The following CPA6 variants were observed in gnomAD, a reference collection of about 807,000 sequenced individuals.
CPA6 encodes carboxypeptidase A6.
CPA6 carries 58 observed loss-of-function variants against 63.3 expected under a neutral mutation model. That is an observed-to-expected ratio of 0.92 (90% CI 0.74 to 1.14). CPA6 has a LOEUF of 1.14. Ranked by LOEUF, CPA6 falls within the 50% of genes most tolerant of loss-of-function variation. The pLI, the probability that CPA6 is intolerant of heterozygous loss-of-function variation, is 0.00. For synonymous variants in CPA6, 185 were observed against 179.0 expected, an observed-to-expected ratio of 1.03 and a Z score of -0.27; for missense variants, 565 against 526.6, an observed-to-expected ratio of 1.07 and a Z score of -0.71.
intron 2 of CPA6, among the ~76,000 whole-genome samples, chr8:67,591,300 A>C (rs1182314122): frequency 4.1e-4 from 62 of 151,914 alleles, no homozygotes; most frequent in African/African-American, 1.3e-3. Context: ...CTTGTAGTAT[A>C]GTTTGAAGTC....
chr8:67,712,010 T>G (rs1171503260), intron 1 of CPA6, among the ~76,000 whole-genome samples: 1 of 152,116 alleles, frequency 6.6e-6, no homozygotes, highest in African/African-American at 2.4e-5. Flanking sequence ...CCCTCCTATC[T>G]GCCCCCTCCC....
intron 2 of CPA6, among the ~76,000 whole-genome samples, chr8:67,585,636 G>A (rs1043411279): frequency 1.3e-5 from 2 of 152,150 alleles, no homozygotes; most frequent in South Asian, 4.1e-4. Context: ...TCTAAGGATA[G>A]TAGGAAGATA....
chr8:67,723,452 C>A (rs1190010848), intron 1 of CPA6, among the ~76,000 whole-genome samples: 1 of 152,152 alleles, frequency 6.6e-6, no homozygotes, highest in Non-Finnish European at 1.5e-5. Context: ...CAGGCGTGAG[C>A]CACCGTGCGT....
At chr8:67,564,988 G>T (rs1813302354) in intron 2 of CPA6, among the ~76,000 whole-genome samples, 1 of 152,132 alleles carries the variant, frequency 6.6e-6, no homozygotes, top group Non-Finnish European at 1.5e-5. Flanking sequence ...CCGCAGCGTG[G>T]TCTTCTAGAT....
intron 2 of CPA6, chr8:67,570,131 G>A (rs1317748888): frequency 1.3e-5 from 2 of 152,294 alleles, no homozygotes; most frequent in South Asian, 4.1e-4. Flanking sequence ...AAGAGTAACT[G>A]CAGCTTGAAT....
intron 8 of CPA6, among the ~76,000 whole-genome samples, chr8:67,446,101 A>G (rs1331606963): frequency 6.6e-6 from 1 of 151,728 alleles, no homozygotes; most frequent in Non-Finnish European, 1.5e-5. Flanking sequence ...TGTCTCTACT[A>G]AAAAAATACA....
intron 1 of CPA6, among the ~76,000 whole-genome samples, chr8:67,648,873 C>T (rs962986070): frequency 2.0e-5 from 3 of 152,180 alleles, no homozygotes; most frequent in African/African-American, 7.2e-5. Context: ...ATCAATGAAA[C>T]TGGGAAAACA....
chr8:67,671,174 A>G (rs1481783484), intron 1 of CPA6, among the ~76,000 whole-genome samples: 1 of 152,238 alleles, frequency 6.6e-6, no homozygotes, highest in Non-Finnish European at 1.5e-5. Flanking sequence ...AGCCTTGAGA[A>G]CAATCACCTC....
chr8:67,646,139 C>T (rs1225930729), intron 1 of CPA6, among the ~76,000 whole-genome samples: 1 of 152,192 alleles, frequency 6.6e-6, no homozygotes, highest in Non-Finnish European at 1.5e-5. Context: ...AGCACCATGA[C>T]AGGTGACAAA....
chr8:67,455,663 C>CGAAAAAAAAA (rs1810655966), intron 8 of CPA6, among the ~76,000 whole-genome samples: 1 of 30,250 alleles, frequency 3.3e-5, no homozygotes, highest in African/African-American at 1.6e-4. Flanking sequence ...TCTACAAAAG[C>CGAAAAAAAAA]AAAAAAAAAA....
intron 1 of CPA6, among the ~76,000 whole-genome samples, chr8:67,686,669 G>A (rs1291569096): frequency 6.6e-6 from 1 of 152,160 alleles, no homozygotes; most frequent in Non-Finnish European, 1.5e-5. Context: ...CATGTTTAAT[G>A]GTCGTGCTCC....
intron 6 of CPA6, among the ~76,000 whole-genome samples, chr8:67,486,114 A>G (rs1563972475): frequency 6.6e-6 from 1 of 152,280 alleles, no homozygotes; most frequent in Middle Eastern, 3.4e-3. Flanking sequence ...TTCTTCCTGT[A>G]TTGTCATAAT....
chr8:67,737,157 T>C (rs1817828012), intron 1 of CPA6, among the ~76,000 whole-genome samples: 2 of 152,204 alleles, frequency 1.3e-5, no homozygotes. Context: ...ATCAGAACCA[T>C]ATGTTATGGG....
chr8:67,636,486 T>C (rs1815471411), intron 1 of CPA6, among the ~76,000 whole-genome samples: 1 of 151,558 alleles, frequency 6.6e-6, no homozygotes, highest in Non-Finnish European at 1.5e-5. Flanking sequence ...AATAATTAAA[T>C]TCACTGTTAA....
At chr8:67,659,799 A>G (rs1167719565) in intron 1 of CPA6, among the ~76,000 whole-genome samples, 3 of 152,238 alleles carry the variant, frequency 2.0e-5, no homozygotes, top group African/African-American at 7.2e-5. Context: ...TTTCACATTT[A>G]TCATAAGTAA....
At position 67,646,430 on chromosome 8, in the gene CPA6, T is replaced by C. The variant is rs572627947; in HGVS notation, c.117-22179A>G. Among the ~76,000 whole-genome samples, 3 of 152,322 alleles carry C rather than the reference T, an allele frequency of 2.0e-5. No homozygotes were observed. In the South Asian group the frequency reaches 6.2e-4, roughly 32 times the overall value. On this transcript the variant is annotated intron_variant, in intron 1 of 10. Coordinates refer to ENST00000297770, the MANE Select transcript of CPA6 (RefSeq NM_020361.5). ...CTTTTGGTTTTGCCTATTGGCTTCA[T>C]GGGATCGAACAGGGAAATACCCCAT...
chr8:67,637,426 A>G (rs1222263325), intron 1 of CPA6, among the ~76,000 whole-genome samples: 1 of 151,640 alleles, frequency 6.6e-6, no homozygotes, highest in Non-Finnish European at 1.5e-5. Flanking sequence ...TATCTTCACT[A>G]TGTCTCAAGG....
At chr8:67,660,775 C>T (rs777797093) in intron 1 of CPA6, among the ~76,000 whole-genome samples, 5 of 151,994 alleles carry the variant, frequency 3.3e-5, no homozygotes, top group African/African-American at 1.2e-4. Context: ...TTGATTCCAT[C>T]GGTTTTCCAA....
intron 1 of CPA6, among the ~76,000 whole-genome samples, chr8:67,644,931 G>A (rs967104995): frequency 4.6e-5 from 7 of 152,116 alleles, no homozygotes; most frequent in African/African-American, 1.4e-4. Context: ...TAAAACACAC[G>A]TGTCTCAGAA....
Sources: gnomAD v4.1 joint callset for allele counts (sites outside exome capture counted in the v4.1 genomes callset) on GRCh38, gnomAD v4.1.1 for gene constraint, MANE v1.5 for transcripts, NCBI Gene and HGNC (gene_info 2026-07-23, HGNC 2026-07-21) for gene names.